Variants in RTTN observed in about 807,000 individuals in gnomAD.
The protein encoded by RTTN is rotatin.
RTTN carries 182 observed loss-of-function variants against 269.2 expected under a neutral mutation model. The ratio of observed to expected loss-of-function variants is 0.68; its 90% CI spans 0.60 to 0.76. RTTN has a LOEUF of 0.76. Among genes scored for constraint, RTTN ranks in the 30% least tolerant of loss-of-function variants. The probability of loss-of-function intolerance (pLI) is 0.00; values close to 1 mark genes in which losing one functional copy is unlikely to be tolerated. For synonymous variants in RTTN, 1,006 were observed against 963.5 expected (o/e 1.04, Z -0.82); for missense variants, 2,545 against 2,608.6 (o/e 0.98, Z 0.53).
chr18:70,088,219 G>A, intron 30 of RTTN, 72 bp from the exon 31 acceptor site: 1 of 1,373,800 alleles, frequency 7.3e-7, no homozygotes, highest in Non-Finnish European at 9.8e-7. Context: ...AGTTTTTCTG[G>A]TACATAAATA....
intron 46 of RTTN, among the ~76,000 whole-genome samples, chr18:70,012,952 C>T (rs1436180652): frequency 6.6e-6 from 1 of 151,996 alleles, no homozygotes; most frequent in Admixed American, 6.6e-5. Flanking sequence ...AAATATTTAA[C>T]AAAAACAAAA....
At position 70,176,795 on chromosome 18, in the gene RTTN, G is replaced by C. The variant is rs780501789; in HGVS notation, c.1356C>G (p.Tyr452Ter). ...VLGALGETMC[Y>*]HKSSISLEQP... is the part of the protein sequence containing the mutation. ...GCTCCAAACTGATACTACTTTTATG[G>C]TAGCACATGGTTTCTCCAAGGGCTC... Residue 452 changes from tyrosine (Y) to a stop codon, truncating the protein, a stop_gained, in exon 11 of 49, where the codon TAC becomes TAG. Coordinates refer to ENST00000640769, the MANE Select transcript of RTTN (RefSeq NM_173630.4). LOFTEE classifies it high-confidence loss of function. The C allele has an allele frequency of 6.2e-7, 1 of 1,613,960 alleles. No individual in the cohort carries two copies. The highest frequency in any genetic ancestry group is 1.1e-5 in the South Asian group (1 of 91,070).
intron 27 of RTTN, 83 bp downstream of exon 27, chr18:70,114,362 A>T: frequency 8.3e-7 from 1 of 1,204,444 alleles, no homozygotes; most frequent in Non-Finnish European, 1.2e-6. Context: ...AATTTGAAAG[A>T]AGTACAAAGT....
intron 10 of RTTN, among the ~76,000 whole-genome samples, chr18:70,185,817 A>G (rs1185284356): frequency 6.6e-6 from 1 of 152,156 alleles, no homozygotes; most frequent in African/African-American, 2.4e-5. Context: ...TAGTAAGTTC[A>G]GCAAGGCCAC....
At chr18:70,033,044 A>G (rs2144645879) in intron 40 of RTTN, among the ~76,000 whole-genome samples, 1 of 152,364 alleles carries the variant, frequency 6.6e-6, no homozygotes, top group African/African-American at 2.4e-5. Context: ...GAACTGGATC[A>G]TTGGGGTAGA....
At chr18:70,166,608 A>G in intron 13 of RTTN, 1 of 218,720 alleles carries the variant, frequency 4.6e-6, no homozygotes, top group South Asian at 1.5e-4. Context: ...GTTATTAATT[A>G]AAACTTTAAA....
At chr18:70,204,977 CCATATA>C (rs2062039651) in intron 2 of RTTN, 145 bp downstream of exon 2, 4 of 699,978 alleles carry the variant, frequency 5.7e-6, no homozygotes, top group Non-Finnish European at 9.6e-6. Context: ...AAAAGATGAA[CCATATA>C]CCCAGATTAA....
chr18:70,131,799 C>A (rs1186357367), intron 23 of RTTN: 1 of 151,286 alleles, frequency 6.6e-6, no homozygotes, highest in African/African-American at 2.4e-5. Context: ...AAGAAAAAAA[C>A]CACATTGGAC....
intron 23 of RTTN, chr18:70,129,380 T>G (rs1298932335): frequency 6.6e-6 from 1 of 152,046 alleles, no homozygotes; most frequent in Non-Finnish European, 1.5e-5. Context: ...AACTCTGAAT[T>G]ATGCTACAAA....
rs200801705 is a variant in RTTN at position 70,166,970 on chromosome 18, T to C, written c.1751A>G (p.Tyr584Cys). The change falls in exon 13 of 49, where the codon TAT (tyrosine) becomes TGT (cysteine). Residue 584 changes from tyrosine (Y) to cysteine (C), a missense_variant. By Grantham distance (194) the Tyr-to-Cys change is radical. Transcript: ENST00000640769. ...CTTTATTAGCGGGAAATGCTGATGA[T>C]AGGAAAAGCTACGCAAGGCTTGGTC... ...LADQALRSFSYHQHFPLIKEI... is the reference protein window; with the variant it reads ...LADQALRSFSCHQHFPLIKEI... 8.8e-5 allele frequency: 142 copies of C among 1,613,762 alleles called. No individual in the cohort carries two copies. The highest frequency in any genetic ancestry group is 9.7e-5 in the Non-Finnish European group (115 of 1,179,802).
intron 28 of RTTN, among the ~76,000 whole-genome samples, chr18:70,093,644 G>C (rs144606222): frequency 1.4e-4 from 22 of 152,308 alleles, no homozygotes; most frequent in Admixed American, 2.6e-4. Flanking sequence ...GCATCCCAGG[G>C]ATGAAGCCAA....
rs545628438 is a variant in RTTN, at chr18:70,088,052, C to T, written c.4239G>A (p.Gly1413=). 12 of 1,613,900 alleles carry T rather than the reference C, an allele frequency of 7.4e-6. No homozygotes were observed. In the African/African-American group the frequency reaches 1.5e-4, roughly 20 times the overall value. ...LANSCQNISG[G]LWGTVVNILL... is the part of the protein sequence containing the mutation. ...GAATGTTCACCACAGTTCCCCAGAG[C>T]CCACCGGAAATGTTCTGACAACTGT... The change falls in exon 31 of 49, where the codon GGG becomes GGA. Residue 1413 remains glycine, a synonymous_variant. Transcript: ENST00000640769.
At chr18:70,201,073 G>A (rs2061932019) in intron 4 of RTTN, among the ~76,000 whole-genome samples, 1 of 152,336 alleles carries the variant, frequency 6.6e-6, no homozygotes, top group Middle Eastern at 3.4e-3. Context: ...TCTCTGATGA[G>A]GTGGCATGTG....
At chr18:70,104,938 G>A (rs572196809) in intron 28 of RTTN, among the ~76,000 whole-genome samples, 11 of 152,288 alleles carry the variant, frequency 7.2e-5, no homozygotes, top group Admixed American at 5.2e-4. Context: ...TAGGCTACTC[G>A]GGGGTTGGGG....
At chr18:70,111,805 A>AC in intron 27 of RTTN, among the ~76,000 whole-genome samples, 1 of 152,322 alleles carries the variant, frequency 6.6e-6, no homozygotes, top group Middle Eastern at 3.4e-3. Context: ...TACAGAGACC[A>AC]CCACAAAGAT....
Position 70,139,716 on chromosome 18 carries a change from C to G in RTTN, c.2671G>C (p.Val891Leu). 6.3e-7 allele frequency: 1 copy of G among 1,590,050 alleles called. No homozygotes were observed. The highest frequency in any genetic ancestry group is 8.6e-7 in the Non-Finnish European group (1 of 1,159,502). Reference protein sequence around the residue: ...LNECVSQDGKVVECLVQPCLT... With the variant: ...LNECVSQDGKLVECLVQPCLT... ...CATGGTTGTACCAAACATTCTACAA[C>G]CTGGGCCAGGAGGAAAAACACAGCT... Residue 891 changes from valine to leucine, a missense_variant and splice_region_variant, in exon 21 of 49, where the codon GTT becomes CTT. Coordinates refer to ENST00000640769, the MANE Select transcript of RTTN (RefSeq NM_173630.4).
chr18:70,061,835 T>TA (rs975379857), intron 35 of RTTN, among the ~76,000 whole-genome samples: 1 of 152,088 alleles, frequency 6.6e-6, no homozygotes, highest in African/African-American at 2.4e-5. Context: ...CCTCATCTCT[T>TA]AAAAAACAAA....
intron 5 of RTTN, among the ~76,000 whole-genome samples, 175 bp from the exon 6 acceptor site, chr18:70,197,913 C>T (rs754978018): frequency 4.6e-5 from 7 of 152,160 alleles, no homozygotes; most frequent in Non-Finnish European, 1.0e-4. Flanking sequence ...TAGGGCAGTG[C>T]TCCTTCCGTT....
At chr18:70,171,744 T>C (rs1340176565) in intron 11 of RTTN, among the ~76,000 whole-genome samples, 1 of 152,210 alleles carries the variant, frequency 6.6e-6, no homozygotes, top group African/African-American at 2.4e-5. Flanking sequence ...GCTATAAATG[T>C]TTCCTGTAAA....
Sources: allele counts gnomAD v4.1 joint callset (sites outside exome capture counted in the v4.1 genomes callset), GRCh38; gene constraint gnomAD v4.1.1; transcripts MANE v1.5; gene names NCBI Gene and HGNC (gene_info 2026-07-23, HGNC 2026-07-21).